The following NPRL3 variants were observed in gnomAD, a reference collection of about 807,000 sequenced individuals.
NPRL3 encodes the protein GATOR1 complex protein NPRL3.
NPRL3 carries 23 observed loss-of-function variants against 57.2 expected under a neutral mutation model. The ratio of observed to expected loss-of-function variants is 0.40; its 90% CI spans 0.29 to 0.57. The LOEUF (loss-of-function observed/expected upper bound fraction) is 0.57, where lower values mean the gene tolerates loss of function less well. NPRL3 is among the 20% of genes least tolerant of loss of function. The pLI, the probability that NPRL3 is intolerant of heterozygous loss-of-function variation, is 0.42. For missense variants in NPRL3, 691 were observed against 767.1 expected, an observed-to-expected ratio of 0.90 and a Z score of 1.17; for synonymous variants, 333 against 321.1, an observed-to-expected ratio of 1.04 and a Z score of -0.39.
chr16:98,092 C>T (rs1899098678), intron 9 of NPRL3, 53 bp downstream of exon 9: 1 of 1,584,728 alleles, frequency 6.3e-7, no homozygotes, highest in East Asian at 2.2e-5. Context: ...GCCTGCCTTT[C>T]CTGATGCCCC....
chr16:95,033 C>T (rs111780484), intron 9 of NPRL3, among the ~76,000 whole-genome samples: 1 of 152,036 alleles, frequency 6.6e-6, no homozygotes, highest in East Asian at 1.9e-4. Context: ...TCTTGGCTTG[C>T]GGTCACGTCA....
At chr16:98,102 CA>C (rs1899099641) in intron 9 of NPRL3, 42 bp downstream of exon 9, 1 of 1,595,454 alleles carries the variant, frequency 6.3e-7, no homozygotes, top group African/African-American at 1.3e-5. Context: ...CCTGATGCCC[CA>C]GCACCGCCAC....
chr16:132,373 C>T (rs1900849972), intron 2 of NPRL3, among the ~76,000 whole-genome samples: 1 of 152,204 alleles, frequency 6.6e-6, no homozygotes, highest in African/African-American at 2.4e-5. Context: ...TATCGTGAGA[C>T]TGCAGCATTT....
intron 2 of NPRL3, among the ~76,000 whole-genome samples, chr16:133,531 T>C (rs1409178949): frequency 2.8e-5 from 1 of 35,980 alleles, no homozygotes; most frequent in Non-Finnish European, 4.3e-5. Flanking sequence ...TGCCTAGCGT[T>C]GTTTGTTTGT....
intron 8 of NPRL3, among the ~76,000 whole-genome samples, chr16:99,201 G>C (rs1387668454): frequency 6.6e-6 from 1 of 152,188 alleles, no homozygotes; most frequent in Non-Finnish European, 1.5e-5. Flanking sequence ...ACTGGGGAGG[G>C]TGGAACTAGG....
At position 106,629 on chromosome 16, in the gene NPRL3, TAAA is replaced by T. The variant is rs763058746; in HGVS notation, c.629+3893_629+3895del. Among the ~76,000 whole-genome samples the T allele has an allele frequency of 5.4e-3, 326 of 60,102 alleles. 2 individuals are homozygous for T. Among genetic ancestry groups the T allele is most frequent in the African/African-American group, 0.018 (279 of 15,752 alleles). The allele number at this position is 60,102 out of a possible 152,430, so 39.4% of individuals were successfully genotyped here. On this transcript the variant is annotated intron_variant, in intron 7 of 13. Coordinates refer to ENST00000611875, the MANE Select transcript of NPRL3 (RefSeq NM_001077350.3). ...AATAGAGTGAGACCCTGCCTTAAAT[TAAA>T]AAAAAAAAAAAAAAAAAAAAAAAAA...
chr16:89,742 G>A lies in NPRL3; in HGVS notation c.1322C>T (p.Thr441Met), dbSNP rs776673140. ...TARVGGRSLS[T>M]PNALSFGSPT... ...GGAGCCAAAGCTGAGGGCGTTGGGC[G>A]TGCTGAGGCTGCGACCGCCGACCCG... The change falls in exon 12 of 14, where the codon ACG becomes ATG. Residue 441 changes from threonine (T) to methionine (M), a missense_variant. Thr to Met is a moderately conservative substitution (Grantham distance 81). Transcript: ENST00000611875. 8.2e-6 allele frequency: 13 copies of A among 1,594,180 alleles called. No homozygotes were observed. The highest frequency in any genetic ancestry group is 8.5e-6 in the Non-Finnish European group (10 of 1,173,610).
chr16:101,817 G>GC (rs1418025956), intron 7 of NPRL3, among the ~76,000 whole-genome samples: 1 of 152,140 alleles, frequency 6.6e-6, no homozygotes, highest in Non-Finnish European at 1.5e-5. Flanking sequence ...CTCTGCAGAC[G>GC]CCCCAAGGCT....
chr16:96,836 GGATA>G (rs1420597623), intron 9 of NPRL3, among the ~76,000 whole-genome samples: 3 of 152,126 alleles, frequency 2.0e-5, no homozygotes, highest in Admixed American at 6.5e-5. Context: ...CTCTCACAGA[GGATA>G]GATAAAGGGT....
At chr16:87,452 G>C (rs1898530301) in intron 13 of NPRL3, among the ~76,000 whole-genome samples, 1 of 151,584 alleles carries the variant, frequency 6.6e-6, no homozygotes, top group African/African-American at 2.4e-5. Flanking sequence ...GGCCAGGCTG[G>C]TCTCGAACTC....
chr16:101,391 T>C (rs1417545116), intron 7 of NPRL3, among the ~76,000 whole-genome samples: 1 of 152,180 alleles, frequency 6.6e-6, no homozygotes, highest in African/African-American at 2.4e-5. Flanking sequence ...GGATACCAAG[T>C]GGTCACCACA....
chr16:96,667 AAAAT>A (rs1899020876), intron 9 of NPRL3, among the ~76,000 whole-genome samples: 1 of 150,714 alleles, frequency 6.6e-6, no homozygotes, highest in African/African-American at 2.4e-5. Flanking sequence ...AAAAAAAAAA[AAAAT>A]ATTAGCCAGG....
Position 86,753 on chromosome 16 carries a change from G to A in NPRL3, c.1662C>T (p.Thr554=), listed in dbSNP as rs2141894717. 1 of 1,585,808 alleles carries A rather than the reference G, an allele frequency of 6.3e-7. No homozygotes were observed. Among genetic ancestry groups the A allele is most frequent in the South Asian group, 1.1e-5 (1 of 86,972 alleles). ...FDKFRSVLVV[T]THEDPVIAVF... ...CGGCAATGACAGGGTCCTCGTGGGT[G>A]GTCACCACCAGCACGCTGCGGAACT... Residue 554 remains threonine (T), a synonymous_variant, in exon 14 of 14, where the codon ACC becomes ACT. Coordinates refer to ENST00000611875, the MANE Select transcript of NPRL3 (RefSeq NM_001077350.3).
At position 138,243 on chromosome 16, in the gene NPRL3, T is replaced by C. The variant is rs760236969; in HGVS notation, c.25A>G (p.Ser9Gly). The C allele has an allele frequency of 6.2e-7, 1 of 1,607,198 alleles. No individual in the cohort carries two copies. Among genetic ancestry groups the C allele is most frequent in the East Asian group, 2.2e-5 (1 of 44,632 alleles). MRDNTSPI[S>G]VILVSSGSRG... The stretch of plus-strand genomic sequence containing the variant: ...CTCCCCGAGCTCACCAGAATCACGC[T>C]GATGGGGCTGGTGTTGTCCCGCATC... The change falls in exon 2 of 14, where the codon AGC (serine) becomes GGC (glycine). Residue 9 changes from serine to glycine, a missense_variant. By Grantham distance (56) the Ser-to-Gly change is moderately conservative. Coordinates refer to ENST00000611875, the MANE Select transcript of NPRL3 (RefSeq NM_001077350.3).
Position 86,843 on chromosome 16 carries a change from G to A in NPRL3, c.1572C>T (p.His524=). The A allele has an allele frequency of 6.2e-7, 1 of 1,613,424 alleles. No individual in the cohort carries two copies. Among genetic ancestry groups the A allele is most frequent in the Non-Finnish European group, 8.5e-7 (1 of 1,179,766 alleles). ...ARLLHYFRGR[H]HLEEIMYNEN... ...CGTTGTACATAATCTCCTCCAGGTG[G>A]TGGCGGCCGCGGAAGTAGTGAAGGA... is the stretch of plus-strand genomic sequence containing the variant. Residue 524 remains histidine (H), a synonymous_variant, in exon 14 of 14, where the codon CAC becomes CAT. Coordinates refer to ENST00000611875, the MANE Select transcript of NPRL3 (RefSeq NM_001077350.3).
At chr16:132,900 A>C (rs1900880624) in intron 2 of NPRL3, among the ~76,000 whole-genome samples, 1 of 151,988 alleles carries the variant, frequency 6.6e-6, no homozygotes, top group Non-Finnish European at 1.5e-5. Flanking sequence ...TGATCTCCTG[A>C]CCTCGTGATC....
intron 3 of NPRL3, among the ~76,000 whole-genome samples, chr16:124,209 A>G (rs1900414032): frequency 6.6e-6 from 1 of 152,246 alleles, no homozygotes; most frequent in South Asian, 2.1e-4. Context: ...TAAAAGTCAA[A>G]TTCTCACACA....
Position 112,648 on chromosome 16 carries a change from T to A in NPRL3, c.521A>T (p.Gln174Leu). Residue 174 changes from glutamine (Q) to leucine (L), a missense_variant, in exon 6 of 14, where the codon CAG (glutamine) becomes CTG (leucine). Transcript: ENST00000611875. ...ATCAGCCATGGCGGACACCTCATCC[T>A]GGAGCGCCAGGATCAGCTTGGCCTC... ...TREAKLILALQDEVSAMADGN... is the reference protein window; with the variant it reads ...TREAKLILALLDEVSAMADGN... 6.3e-7 allele frequency: 1 copy of A among 1,599,748 alleles called. No homozygotes were observed. Among genetic ancestry groups the A allele is most frequent in the Non-Finnish European group, 8.5e-7 (1 of 1,172,452 alleles).
intron 7 of NPRL3, among the ~76,000 whole-genome samples, chr16:104,674 T>C (rs1899453618): frequency 6.6e-6 from 1 of 152,214 alleles, no homozygotes; most frequent in Non-Finnish European, 1.5e-5. Context: ...CACCTGCTGC[T>C]TTCTCCCTCA....
Sources: allele counts gnomAD v4.1 joint callset (sites outside exome capture counted in the v4.1 genomes callset), GRCh38; gene constraint gnomAD v4.1.1; transcripts MANE v1.5; gene names NCBI Gene and HGNC (gene_info 2026-07-23, HGNC 2026-07-21).